The following DHX57 variants were observed in gnomAD, a reference collection of about 807,000 sequenced individuals.
DHX57 encodes the protein putative ATP-dependent RNA helicase DHX57.
DHX57 carries 105 observed loss-of-function variants against 156.2 expected under a neutral mutation model. That is an observed-to-expected ratio of 0.67 (90% confidence interval 0.57 to 0.79). DHX57 has a LOEUF of 0.79. DHX57 is among the 30% of genes least tolerant of loss of function. The pLI, the probability that DHX57 is intolerant of heterozygous loss-of-function variation, is 0.00. For missense variants in DHX57, 1,847 were observed against 1,661.9 expected, an observed-to-expected ratio of 1.11 and a Z score of -1.94; for synonymous variants, 704 against 595.6, an observed-to-expected ratio of 1.18 and a Z score of -2.65.
chr2:38,804,061 C>A (rs1320324119), intron 22 of DHX57, among the ~76,000 whole-genome samples: 8 of 152,202 alleles, frequency 5.3e-5, no homozygotes, highest in African/African-American at 1.9e-4. Context: ...GGATTATAGG[C>A]ACCCAGCTAC....
chr2:38,827,760 TTTG>T (rs935929427), intron 14 of DHX57, among the ~76,000 whole-genome samples: 11 of 152,094 alleles, frequency 7.2e-5, no homozygotes, highest in African/African-American at 2.7e-4. Flanking sequence ...GTAGGACTTC[TTTG>T]TTGTTACTAA....
rs1665590948 is a variant in DHX57, at chr2:38,875,853, C to T, written c.-73G>A. ...GCTGCCCAAGGGTCAGAGGTCCAAA[C>T]TGGACTTGGCCACCCTCACGATTCT... On this transcript the variant is annotated 5_prime_UTR_variant, in exon 1 of 24. Transcript: ENST00000457308. 5.1e-6 allele frequency: 2 copies of T among 394,616 alleles called. No individual in the cohort carries two copies. Among genetic ancestry groups the T allele is most frequent in the Non-Finnish European group, 8.9e-6 (2 of 224,204 alleles). The allele number at this position is 394,616 out of a possible 1,614,324, so 24.4% of individuals were successfully genotyped here.
intron 17 of DHX57, among the ~76,000 whole-genome samples, chr2:38,821,105 C>T (rs1204597127): frequency 2.0e-5 from 3 of 151,550 alleles, no homozygotes; most frequent in African/African-American, 7.3e-5. Context: ...AGAAATTAAA[C>T]AACCCATGCC....
rs553473807 is a variant in DHX57 at position 38,807,047 on chromosome 2, A to C, written c.3682-354T>G. Among the ~76,000 whole-genome samples the C allele has an allele frequency of 2.0e-5, 3 of 147,178 alleles. No individual in the cohort carries two copies. In the East Asian group the frequency reaches 6.0e-4, roughly 29 times the overall value. Reference sequence around the variant, plus strand: ...GATCTGAGTATCCCAATCCCAACACATTTCTTGTTTTGTTTTGTTTTTTTT... The same window carrying C: ...GATCTGAGTATCCCAATCCCAACACCTTTCTTGTTTTGTTTTGTTTTTTTT... On this transcript the variant is annotated intron_variant, in intron 21 of 23. Coordinates refer to ENST00000457308, the MANE Select transcript of DHX57 (RefSeq NM_198963.3).
intron 16 of DHX57, 51 bp downstream of exon 16, chr2:38,825,796 T>G: frequency 9.5e-6 from 15 of 1,573,484 alleles, no homozygotes; most frequent in Non-Finnish European, 1.3e-5. Flanking sequence ...CTTAATAGAG[T>G]GAGAAACATT....
At chr2:38,801,844 A>C (rs1482460159) in intron 23 of DHX57, among the ~76,000 whole-genome samples, 1 of 151,896 alleles carries the variant, frequency 6.6e-6, no homozygotes, top group Non-Finnish European at 1.5e-5. Flanking sequence ...TGATCTGCCC[A>C]CCTTGGCCTC....
At chr2:38,865,284 G>C (rs1429765059) in intron 2 of DHX57, among the ~76,000 whole-genome samples, 2 of 152,212 alleles carry the variant, frequency 1.3e-5, no homozygotes, top group East Asian at 1.9e-4. Flanking sequence ...TGAATCATGG[G>C]GGCAGTCTCC....
At chr2:38,862,411 AT>A in intron 3 of DHX57, 78 bp from the exon 4 acceptor site, 8 of 1,340,270 alleles carry the variant, frequency 6.0e-6, no homozygotes, top group Non-Finnish European at 6.9e-6. Context: ...AGGTCTAAGA[AT>A]TTAATTCATA....
At chr2:38,812,622 C>T (rs1159701909) in intron 21 of DHX57, among the ~76,000 whole-genome samples, 1 of 152,212 alleles carries the variant, frequency 6.6e-6, no homozygotes, top group African/African-American at 2.4e-5. Context: ...CAACCTCTGC[C>T]TCCCGGGTTT....
intron 21 of DHX57, chr2:38,811,633 C>T: frequency 7.4e-7 from 1 of 1,345,862 alleles, no homozygotes; most frequent in Non-Finnish European, 1.0e-6. Context: ...TAGGCCAGAA[C>T]CATGGAGCCT....
intron 16 of DHX57, among the ~76,000 whole-genome samples, chr2:38,823,529 T>C (rs1255181072): frequency 6.6e-6 from 1 of 152,174 alleles, no homozygotes; most frequent in Non-Finnish European, 1.5e-5. Context: ...ACAGAGTTCA[T>C]GACAAAAGAT....
intron 22 of DHX57, among the ~76,000 whole-genome samples, chr2:38,804,141 C>A (rs574433609): frequency 1.1e-4 from 17 of 152,174 alleles, no homozygotes; most frequent in Non-Finnish European, 1.9e-4. Context: ...GTCCCCACTT[C>A]TAGTTTTGCA....
At position 38,848,371 on chromosome 2, in the gene DHX57, C is replaced by G. The variant is rs1672400536; in HGVS notation, c.2062G>C (p.Val688Leu). 1 of 1,606,752 alleles carries G rather than the reference C, an allele frequency of 6.2e-7. No individual in the cohort carries two copies. Among genetic ancestry groups the G allele is most frequent in the Non-Finnish European group, 8.5e-7 (1 of 1,177,396 alleles). ...ACTTGAAGACCTGGCCTCTGCGATA[C>G]AATGTCCTTCAAAACTAGCAGCAAG... ...DFLLLVLKDI[V>L]SQRPGLQVIL... Residue 688 changes from valine to leucine, a missense_variant, in exon 10 of 24, where the codon GTA becomes CTA. Transcript: ENST00000457308.
intron 1 of DHX57, among the ~76,000 whole-genome samples, chr2:38,874,688 C>T (rs1375215494): frequency 2.0e-5 from 3 of 152,124 alleles, no homozygotes; most frequent in Admixed American, 6.5e-5. Context: ...GGATTACAGG[C>T]GTGAGCCACC....
chr2:38,847,021 T>C lies in DHX57; in HGVS notation c.2217A>G (p.Thr739=). 9.3e-6 allele frequency: 15 copies of C among 1,612,424 alleles called. No homozygotes were observed. The highest frequency in any genetic ancestry group is 1.7e-5 in the Admixed American group (1 of 59,982). ...QFFLEDAIAV[T]RYVLQDGSPY... ...ATCTTAATTAATATCTTCCTTACCT[T>C]GTCACAGCAATTGCATCTTCCAAAA... The change falls in exon 11 of 24, where the codon ACA becomes ACG. Residue 739 remains threonine, a splice_region_variant and synonymous_variant. Coordinates refer to ENST00000457308, the MANE Select transcript of DHX57 (RefSeq NM_198963.3).
chr2:38,829,439 A>C (rs1671268816), intron 13 of DHX57, among the ~76,000 whole-genome samples: 1 of 150,946 alleles, frequency 6.6e-6, no homozygotes, highest in Non-Finnish European at 1.5e-5. Context: ...ACGCCAGCTA[A>C]TTTTTGTAGT....
intron 1 of DHX57, among the ~76,000 whole-genome samples, chr2:38,872,776 A>G (rs2373473): frequency 0.25 from 38,035 of 152,064 alleles, 5,735 homozygotes; most frequent in Non-Finnish European, 0.33. Flanking sequence ...TTCAATAATA[A>G]TAGTAGGAGA....
intron 13 of DHX57, among the ~76,000 whole-genome samples, chr2:38,831,820 G>A (rs1295787357): frequency 4.1e-5 from 6 of 147,148 alleles, no homozygotes; most frequent in African/African-American, 1.3e-4. Context: ...TCACACCATC[G>A]CACTCCAGAG....
intron 17 of DHX57, among the ~76,000 whole-genome samples, chr2:38,822,306 C>G (rs549100247): frequency 6.6e-6 from 1 of 152,156 alleles, no homozygotes; most frequent in Non-Finnish European, 1.5e-5. Context: ...GTCTCAAACT[C>G]CTGACTTCAG....
Sources: allele counts gnomAD v4.1 joint callset (sites outside exome capture counted in the v4.1 genomes callset), GRCh38; gene constraint gnomAD v4.1.1; transcripts MANE v1.5; gene names NCBI Gene and HGNC (gene_info 2026-07-23, HGNC 2026-07-21).